PCDH9: variants seen among roughly 807,000 people sequenced by gnomAD.
PCDH9 encodes protocadherin 9.
A neutral mutation model predicts 70.6 loss-of-function variants in PCDH9; 24 were observed. The observed-to-expected ratio is 0.34, with a 90% CI of 0.25 to 0.48. PCDH9 has a LOEUF of 0.48. PCDH9 is among the 20% of genes least tolerant of loss of function. The pLI is 0.99. For missense variants in PCDH9, 1,281 were observed against 1,503.6 expected, an observed-to-expected ratio of 0.85 and a Z score of 2.45; for synonymous variants, 562 against 558.5, an observed-to-expected ratio of 1.01 and a Z score of -0.09.
At chr13:66,431,799 A>T (rs1334115410) in intron 4 of PCDH9, among the ~76,000 whole-genome samples, 1 of 151,980 alleles carries the variant, frequency 6.6e-6, no homozygotes, top group African/African-American at 2.4e-5. Flanking sequence ...TTGCAAGAAC[A>T]CAGATGATTA....
At chr13:66,499,895 T>C (rs1478858580) in intron 4 of PCDH9, among the ~76,000 whole-genome samples, 1 of 152,190 alleles carries the variant, frequency 6.6e-6, no homozygotes, top group Non-Finnish European at 1.5e-5. Context: ...GCATCTTTCT[T>C]GCTCCCTTTC....
At chr13:66,409,400 C>G (rs73205687) in intron 4 of PCDH9, among the ~76,000 whole-genome samples, 65,120 of 151,934 alleles carry the variant, frequency 0.43, 14,808 homozygotes, top group South Asian at 0.53. Context: ...GTTGTCCTCC[C>G]CCTTTTTTCC....
chr13:66,536,177 A>T (rs181337052), intron 4 of PCDH9, among the ~76,000 whole-genome samples: 2 of 152,178 alleles, frequency 1.3e-5, no homozygotes, highest in East Asian at 3.9e-4. Flanking sequence ...GACAAGTATT[A>T]CTTCTATATT....
rs961060302 is a variant in PCDH9, at chr13:67,093,455, A to AAAT, written c.3036+131947_3036+131949dup. On this transcript the variant is annotated intron_variant, in intron 2 of 4. Transcript: ENST00000377865. ...AGTGAAAAGAGTGAGACTCCATCTCAAATAATAATAATAATAAGTAAATAA... is the reference window on the plus strand; with the variant it reads ...AGTGAAAAGAGTGAGACTCCATCTCAAATAATAATAATAATAATAAGTAAATAA... Among the ~76,000 whole-genome samples the AAAT allele has an allele frequency of 5.9e-5, 9 of 152,130 alleles. No individual in the cohort carries two copies. In the East Asian group the frequency reaches 1.5e-3, roughly 26 times the overall value.
At chr13:66,974,430 A>G (rs1469223579) in intron 2 of PCDH9, among the ~76,000 whole-genome samples, 2 of 151,896 alleles carry the variant, frequency 1.3e-5, no homozygotes, top group African/African-American at 4.8e-5. Flanking sequence ...GCTTTCAACT[A>G]TAGTCTTGGA....
chr13:67,158,352 G>A (rs1298449746), intron 2 of PCDH9, among the ~76,000 whole-genome samples: 1 of 152,196 alleles, frequency 6.6e-6, no homozygotes, highest in Non-Finnish European at 1.5e-5. Context: ...TATACTTTCA[G>A]AGTTTTTAAT....
At chr13:66,740,683 C>A in intron 3 of PCDH9, among the ~76,000 whole-genome samples, 1 of 151,652 alleles carries the variant, frequency 6.6e-6, no homozygotes, top group Non-Finnish European at 1.5e-5. Flanking sequence ...CACAGAAATA[C>A]AAACTACCAT....
At chr13:66,863,786 C>T (rs1025137641) in intron 3 of PCDH9, among the ~76,000 whole-genome samples, 3 of 152,020 alleles carry the variant, frequency 2.0e-5, no homozygotes, top group Non-Finnish European at 2.9e-5. Flanking sequence ...ACTTTATGAA[C>T]TGTGACATGC....
intron 2 of PCDH9, among the ~76,000 whole-genome samples, chr13:67,069,790 G>C (rs2085723480): frequency 6.6e-6 from 1 of 152,084 alleles, no homozygotes. Context: ...ACAGATTTAA[G>C]CAGATTAATT....
At chr13:66,578,093 G>A (rs2076840176) in intron 4 of PCDH9, among the ~76,000 whole-genome samples, 1 of 151,960 alleles carries the variant, frequency 6.6e-6, no homozygotes, top group African/African-American at 2.4e-5. Flanking sequence ...TTTCCCTAAT[G>A]TATTCAATAT....
chr13:66,707,872 C>T (rs2078732502), intron 3 of PCDH9, among the ~76,000 whole-genome samples: 1 of 152,136 alleles, frequency 6.6e-6, no homozygotes, highest in African/African-American at 2.4e-5. Context: ...CCAGGATAAG[C>T]ACTTTTTGCT....
intron 4 of PCDH9, among the ~76,000 whole-genome samples, chr13:66,590,512 G>A (rs1169347810): frequency 1.3e-5 from 2 of 151,736 alleles, no homozygotes; most frequent in Non-Finnish European, 2.9e-5. Flanking sequence ...AACTTTCTGG[G>A]ACAAAAAATC....
Position 66,304,672 on chromosome 13 carries a change from T to G in PCDH9, c.3697A>C (p.Lys1233Gln). 1 of 1,612,404 alleles carries G rather than the reference T, an allele frequency of 6.2e-7. No individual in the cohort carries two copies. The highest frequency in any genetic ancestry group is 8.5e-7 in the Non-Finnish European group (1 of 1,178,722). ...KQAGGATESP[K>Q]EHQL ...GCCTTTTCTTAGAGTTGGTGCTCCT[T>G]AGGACTCTCAGTAGCACCTCCTGCT... The change falls in exon 5 of 5, where the codon AAG becomes CAG. Residue 1233 changes from lysine to glutamine, a missense_variant. Around this residue, in one of 4 missense-constraint regions of PCDH9, gnomAD observed 264 missense variants for 278.8 expected, o/e 0.95. Coordinates refer to ENST00000377865, the MANE Select transcript of PCDH9 (RefSeq NM_203487.3).
chr13:66,496,276 T>A (rs1235437364), intron 4 of PCDH9, among the ~76,000 whole-genome samples: 1 of 152,190 alleles, frequency 6.6e-6, no homozygotes, highest in Admixed American at 6.5e-5. Flanking sequence ...TCAATCTTTG[T>A]CCACTATATC....
intron 4 of PCDH9, among the ~76,000 whole-genome samples, chr13:66,552,361 A>G (rs934316255): frequency 2.6e-5 from 4 of 152,102 alleles, no homozygotes; most frequent in Admixed American, 6.5e-5. Flanking sequence ...CCTAGGCGCG[A>G]TATTTGCATG....
At chr13:66,587,214 C>T (rs1419493816) in intron 4 of PCDH9, among the ~76,000 whole-genome samples, 4 of 151,966 alleles carry the variant, frequency 2.6e-5, no homozygotes, top group South Asian at 4.2e-4. Flanking sequence ...AAGAGGATCC[C>T]TTGAGCCCAC....
intron 3 of PCDH9, among the ~76,000 whole-genome samples, chr13:66,745,849 T>C (rs1021346871): frequency 6.6e-6 from 1 of 152,224 alleles, no homozygotes; most frequent in Non-Finnish European, 1.5e-5. Context: ...TCGGATTAAT[T>C]ATCACAGCAA....
intron 4 of PCDH9, among the ~76,000 whole-genome samples, chr13:66,436,299 T>G (rs1957867231): frequency 6.6e-6 from 1 of 152,160 alleles, no homozygotes; most frequent in Non-Finnish European, 1.5e-5. Context: ...TCTTTGCCAT[T>G]CTACCTTCTG....
intron 3 of PCDH9, among the ~76,000 whole-genome samples, chr13:66,743,512 G>T (rs1472042834): frequency 6.6e-6 from 1 of 151,462 alleles, no homozygotes; most frequent in Non-Finnish European, 1.5e-5. Flanking sequence ...AAAAAATTTG[G>T]AAGAGGTTAG....
Sources: allele counts gnomAD v4.1 joint callset (sites outside exome capture counted in the v4.1 genomes callset), GRCh38; gene constraint gnomAD v4.1.1; regional missense constraint gnomAD v4.1.1; transcripts MANE v1.5; gene names NCBI Gene and HGNC (gene_info 2026-07-23, HGNC 2026-07-21).